TLK1: variants seen among roughly 807,000 people sequenced by gnomAD.
The protein encoded by TLK1 is tousled like kinase 1, also known as serine/threonine-protein kinase tousled-like 1.
Under a neutral mutation model 105.3 loss-of-function variants are expected in TLK1, and 24 were observed. That is an observed-to-expected ratio of 0.23 (90% confidence interval 0.17 to 0.32). The LOEUF (loss-of-function observed/expected upper bound fraction) is 0.32, where lower values mean the gene tolerates loss of function less well. Among genes scored for constraint, TLK1 ranks in the 10% least tolerant of loss-of-function variants. The probability of loss-of-function intolerance (pLI) is 1.00; values close to 1 mark genes in which losing one functional copy is unlikely to be tolerated. For missense variants in TLK1, 558 were observed against 910.5 expected, an observed-to-expected ratio of 0.61 and a Z score of 4.98; for synonymous variants, 321 against 310.4, an observed-to-expected ratio of 1.03 and a Z score of -0.36.
chr2:171,176,979 C>T (rs1305098744), intron 1 of TLK1, among the ~76,000 whole-genome samples: 1 of 152,000 alleles, frequency 6.6e-6, no homozygotes, highest in Non-Finnish European at 1.5e-5. Flanking sequence ...ATTACAGGTG[C>T]CTGCCACCAT....
At chr2:171,073,877 C>CT (rs1553472998) in intron 3 of TLK1, among the ~76,000 whole-genome samples, 2 of 92,742 alleles carry the variant, frequency 2.2e-5, no homozygotes, top group African/African-American at 3.0e-5. Flanking sequence ...AACATTCCCC[C>CT]CCCCCCTCCT....
At chr2:171,077,984 C>CT (rs1688589121) in intron 3 of TLK1, among the ~76,000 whole-genome samples, 4 of 152,182 alleles carry the variant, frequency 2.6e-5, no homozygotes, top group Non-Finnish European at 5.9e-5. Context: ...AAACCATACT[C>CT]TGAGATCTGC....
At chr2:171,080,833 G>C (rs539981324) in intron 3 of TLK1, among the ~76,000 whole-genome samples, 1 of 151,342 alleles carries the variant, frequency 6.6e-6, no homozygotes, top group Non-Finnish European at 1.5e-5. Context: ...TCAGCCTCTC[G>C]AGTAGATGGG....
At chr2:171,131,647 A>T (rs1691110672) in intron 1 of TLK1, among the ~76,000 whole-genome samples, 1 of 152,196 alleles carries the variant, frequency 6.6e-6, no homozygotes, top group Non-Finnish European at 1.5e-5. Context: ...ATATTTTCCT[A>T]AAAAACTGTC....
chr2:171,162,154 T>G (rs993309153), upstream of TLK1, among the ~76,000 whole-genome samples: 1 of 152,230 alleles, frequency 6.6e-6, no homozygotes, highest in Non-Finnish European at 1.5e-5. Flanking sequence ...CAGTGAGTTT[T>G]TAGTCTTGTC....
intron 1 of TLK1, among the ~76,000 whole-genome samples, chr2:171,124,283 T>C (rs890663511): frequency 3.9e-5 from 6 of 152,248 alleles, no homozygotes; most frequent in Non-Finnish European, 8.8e-5. Flanking sequence ...CTTTACCACA[T>C]TCTTTCAAAT....
intron 1 of TLK1, among the ~76,000 whole-genome samples, chr2:171,206,408 G>A (rs1349010215): frequency 6.6e-6 from 1 of 152,196 alleles, no homozygotes; most frequent in Admixed American, 6.5e-5. Context: ...TAGGATGGAT[G>A]AGAGAGGAGA....
intron 1 of TLK1, among the ~76,000 whole-genome samples, chr2:171,139,237 T>A (rs1227493617): frequency 6.6e-6 from 1 of 152,174 alleles, no homozygotes; most frequent in Non-Finnish European, 1.5e-5. Flanking sequence ...TGTAATGCTC[T>A]GACGATTTTA....
chr2:171,004,843 G>A (rs1046480754), intron 18 of TLK1, among the ~76,000 whole-genome samples: 1 of 152,156 alleles, frequency 6.6e-6, no homozygotes, highest in African/African-American at 2.4e-5. Context: ...CTTTCAGGGG[G>A]TTACCAGTTT....
chr2:170,996,156 G>A (rs546615646), intron 20 of TLK1, among the ~76,000 whole-genome samples: 7 of 150,994 alleles, frequency 4.6e-5, no homozygotes, highest in East Asian at 3.9e-4. Flanking sequence ...GTGCCACCAC[G>A]CCTGGCTAAT....
At chr2:171,060,097 G>A (rs1319216733) in intron 4 of TLK1, 9 of 1,503,094 alleles carry the variant, frequency 6.0e-6, no homozygotes, top group East Asian at 2.3e-5. Flanking sequence ...AGTGAGGAAG[G>A]TGAAACAAGA....
At position 171,179,213 on chromosome 2, in the gene TLK1, T is replaced by C. The variant is rs542916226; in HGVS notation, c.-6+51932A>G. On this transcript the variant is annotated intron_variant, in intron 1 of 20. Transcript: ENST00000521943. ...TTATTCATTTCCTTAATAATCCTCA[T>C]AGTTGTAATGAGTCATCCCTGTCTC... 5.3e-5 allele frequency among the ~76,000 whole-genome samples: 8 copies of C among 152,344 alleles called. No homozygotes were observed. In the South Asian group the frequency reaches 1.7e-3, roughly 32 times the overall value.
chr2:171,199,124 A>G (rs555075130), intron 1 of TLK1, among the ~76,000 whole-genome samples: 1 of 152,350 alleles, frequency 6.6e-6, no homozygotes, highest in East Asian at 1.9e-4. Context: ...TTATTTTAAA[A>G]GTAGTGTTAT....
At chr2:171,194,751 A>G (rs1451220089) in intron 1 of TLK1, among the ~76,000 whole-genome samples, 4 of 145,542 alleles carry the variant, frequency 2.7e-5, no homozygotes, top group Admixed American at 7.2e-5. Context: ...TGGGAGGCGG[A>G]GCTTGCAGTG....
rs200281649 is a variant in TLK1 at position 170,991,026 on chromosome 2, G to GTCTT, written c.*2750_*2753dup. 2 of 151,758 alleles carry GTCTT rather than the reference G, an allele frequency of 1.3e-5. No homozygotes were observed. 9.4% of individuals were successfully genotyped at this position (151,758 alleles called of 1,614,324 possible). ...TGTTTAAAAAAAAAAAAAAGATTGAGTCTTTATTTTTGAAAAACCACCAAG... is the reference window on the plus strand; with the variant it reads ...TGTTTAAAAAAAAAAAAAAGATTGAGTCTTTCTTTATTTTTGAAAAACCACCAAG... On this transcript the variant is annotated 3_prime_UTR_variant, in exon 21 of 21. Coordinates refer to ENST00000431350, the MANE Select transcript of TLK1 (RefSeq NM_012290.5).
intron 2 of TLK1, among the ~76,000 whole-genome samples, chr2:171,085,263 C>T (rs1688919625): frequency 6.6e-6 from 1 of 151,954 alleles, no homozygotes; most frequent in African/African-American, 2.4e-5. Flanking sequence ...ATGGTGCACA[C>T]CTGTAATTCC....
Position 171,007,039 on chromosome 2 carries a change from A to G in TLK1, c.1441T>C (p.Tyr481His). 1 of 1,607,328 alleles carries G rather than the reference A, an allele frequency of 6.2e-7. No individual in the cohort carries two copies. The highest frequency in any genetic ancestry group is 8.5e-7 in the Non-Finnish European group (1 of 1,178,418). Residue 481 changes from tyrosine to histidine, a missense_variant, in exon 15 of 21, where the codon TAT becomes CAT. By Grantham distance (83) the Tyr-to-His change is moderately conservative. This residue lies in a region of TLK1 where 218 missense variants were observed against 492.9 expected (regional missense o/e 0.44). Transcript: ENST00000431350. ...AGCTGATGTATCTTCACAGCAGCAT[A>G]TCTTTGTTCATAAAGGTCAAAAGCC... ...YKAFDLYEQRYAAVKIHQLNK... is the reference protein window; with the variant it reads ...YKAFDLYEQRHAAVKIHQLNK...
chr2:171,224,187 C>A (rs1384283090), intron 1 of TLK1, among the ~76,000 whole-genome samples: 1 of 152,072 alleles, frequency 6.6e-6, no homozygotes, highest in Non-Finnish European at 1.5e-5. Flanking sequence ...TTTCTAGCAC[C>A]ATTTTTTGAA....
chr2:171,065,584 C>A (rs1687951880), intron 3 of TLK1, among the ~76,000 whole-genome samples: 1 of 150,660 alleles, frequency 6.6e-6, no homozygotes. Context: ...GTCGCCCAGG[C>A]TGGAGTGCAG....
Sources: allele counts gnomAD v4.1 joint callset (sites outside exome capture counted in the v4.1 genomes callset), GRCh38; gene constraint gnomAD v4.1.1; regional missense constraint gnomAD v4.1.1; transcripts MANE v1.5; gene names NCBI Gene and HGNC (gene_info 2026-07-23, HGNC 2026-07-21).